STAG1: variants seen among roughly 807,000 people sequenced by gnomAD.
STAG1 encodes cohesin subunit SA-1.
Under a neutral mutation model 170.9 loss-of-function variants are expected in STAG1, and 26 were observed. The ratio of observed to expected loss-of-function variants is 0.15; its 90% confidence interval spans 0.11 to 0.21. The LOEUF is 0.21. STAG1 is among the 10% of genes least tolerant of loss of function. The probability of loss-of-function intolerance (pLI) is 1.00; values close to 1 mark genes in which losing one functional copy is unlikely to be tolerated. For synonymous variants in STAG1, 514 were observed against 497.7 expected (o/e 1.03, Z -0.44); for missense variants, 964 against 1,509.5 (o/e 0.64, Z 5.99).
chr3:136,540,092 T>C (rs1254209756), intron 6 of STAG1, among the ~76,000 whole-genome samples: 1 of 151,998 alleles, frequency 6.6e-6, no homozygotes, highest in Admixed American at 6.6e-5. Flanking sequence ...CAAAACCAAA[T>C]GACATATATA....
At chr3:136,421,440 G>T (rs2087954399) in intron 19 of STAG1, among the ~76,000 whole-genome samples, 1 of 152,106 alleles carries the variant, frequency 6.6e-6, no homozygotes, top group South Asian at 2.1e-4. Flanking sequence ...AAATGTACTT[G>T]AAAGATTTTC....
intron 16 of STAG1, among the ~76,000 whole-genome samples, chr3:136,431,925 C>T (rs371286846): frequency 7.9e-5 from 12 of 152,238 alleles, no homozygotes; most frequent in Admixed American, 2.0e-4. Context: ...TTTTGTTAAG[C>T]TTCTTGAATC....
At chr3:136,626,221 T>A (rs908215014) in intron 2 of STAG1, among the ~76,000 whole-genome samples, 1 of 152,012 alleles carries the variant, frequency 6.6e-6, no homozygotes, top group African/African-American at 2.4e-5. Flanking sequence ...AGGTCAGAAG[T>A]TCGAGACCTA....
intron 4 of STAG1, among the ~76,000 whole-genome samples, chr3:136,579,335 T>C (rs563948402): frequency 4.6e-5 from 7 of 152,340 alleles, no homozygotes; most frequent in African/African-American, 1.2e-4. Flanking sequence ...CATAAGGTAG[T>C]TGTATTGGTT....
At chr3:136,442,635 T>C (rs540178581) in intron 15 of STAG1, among the ~76,000 whole-genome samples, 14 of 150,702 alleles carry the variant, frequency 9.3e-5, no homozygotes, top group Non-Finnish European at 2.1e-4. Context: ...TCATTATGCA[T>C]AAAAGGTTTT....
At chr3:136,731,371 A>G (rs1934031270) in intron 1 of STAG1, among the ~76,000 whole-genome samples, 1 of 152,208 alleles carries the variant, frequency 6.6e-6, no homozygotes, top group Non-Finnish European at 1.5e-5. Flanking sequence ...AAACTAGAAA[A>G]AGCTGGAAAA....
intron 1 of STAG1, among the ~76,000 whole-genome samples, chr3:136,732,095 G>C (rs1031249472): frequency 6.6e-6 from 1 of 152,042 alleles, no homozygotes; most frequent in African/African-American, 2.4e-5. Context: ...AAGAAACTGA[G>C]GCCCAGAGAA....
chr3:136,576,218 C>T (rs1471872749), intron 4 of STAG1, among the ~76,000 whole-genome samples: 1 of 152,190 alleles, frequency 6.6e-6, no homozygotes, highest in Non-Finnish European at 1.5e-5. Context: ...ACAGTTGCTT[C>T]TGACATCAAA....
intron 1 of STAG1, among the ~76,000 whole-genome samples, chr3:136,741,358 T>C (rs560673121): frequency 1.3e-5 from 2 of 152,388 alleles, no homozygotes; most frequent in South Asian, 2.1e-4. Flanking sequence ...CCAAGTTAAC[T>C]TGTCAGCCTA....
chr3:136,406,446 A>T (rs1389491463), intron 21 of STAG1, among the ~76,000 whole-genome samples: 1 of 152,248 alleles, frequency 6.6e-6, no homozygotes, highest in Non-Finnish European at 1.5e-5. Context: ...GTCTTCTGGG[A>T]TGATGAAACT....
chr3:136,506,608 T>C (rs1933777542), intron 7 of STAG1, among the ~76,000 whole-genome samples: 1 of 137,192 alleles, frequency 7.3e-6, no homozygotes, highest in African/African-American at 2.8e-5. Context: ...GCTGCACCAC[T>C]GCACTCCAGC....
chr3:136,732,577 A>T (rs1233514125), intron 1 of STAG1, among the ~76,000 whole-genome samples: 1 of 152,072 alleles, frequency 6.6e-6, no homozygotes, highest in African/African-American at 2.4e-5. Flanking sequence ...CTCTCAATTA[A>T]CCAGAGTACC....
intron 23 of STAG1, among the ~76,000 whole-genome samples, chr3:136,373,295 A>C (rs1242220964): frequency 6.6e-6 from 1 of 152,034 alleles, no homozygotes; most frequent in Non-Finnish European, 1.5e-5. Flanking sequence ...TTTTCAAAAA[A>C]CCAGCTCCTG....
rs571343741 is a variant in STAG1, at chr3:136,397,756, G to T, written c.2277+993C>A. Among the ~76,000 whole-genome samples, 119 of 151,870 alleles carry T rather than the reference G, an allele frequency of 7.8e-4. 1 individual carries two copies. Among genetic ancestry groups the T allele is most frequent in the African/African-American group, 2.8e-3 (117 of 41,408 alleles). On this transcript the variant is annotated intron_variant, in intron 22 of 33. Transcript: ENST00000383202. ...CATCCTCAAGGTAAAGCAGGCTTCAGTGCTCTTTTTGGCTTTCTTGATCTT... is the reference window on the plus strand; with the variant it reads ...CATCCTCAAGGTAAAGCAGGCTTCATTGCTCTTTTTGGCTTTCTTGATCTT...
intron 1 of STAG1, among the ~76,000 whole-genome samples, chr3:136,689,978 TAC>T (rs923212387): frequency 3.7e-5 from 5 of 133,500 alleles, no homozygotes; most frequent in African/African-American, 1.5e-4. Flanking sequence ...AGGCAGAGGC[TAC>T]AGTGAGCCAA....
chr3:136,659,571 C>T (rs1329396638), intron 1 of STAG1, among the ~76,000 whole-genome samples: 1 of 152,172 alleles, frequency 6.6e-6, no homozygotes, highest in Non-Finnish European at 1.5e-5. Flanking sequence ...CAACACAGCA[C>T]ATTATCCAAA....
intron 1 of STAG1, among the ~76,000 whole-genome samples, chr3:136,655,565 C>T (rs961863325): frequency 5.3e-5 from 8 of 152,140 alleles, no homozygotes; most frequent in Non-Finnish European, 1.2e-4. Flanking sequence ...GAGTTCCAGG[C>T]CAGCCTGGCC....
intron 5 of STAG1, among the ~76,000 whole-genome samples, chr3:136,555,255 T>C (rs1296892817): frequency 6.6e-6 from 1 of 151,870 alleles, no homozygotes; most frequent in African/African-American, 2.4e-5. Flanking sequence ...TGCATGCCTG[T>C]AGTCCTAGCT....
intron 25 of STAG1, among the ~76,000 whole-genome samples, chr3:136,365,607 T>C (rs1937043854): frequency 6.6e-6 from 1 of 152,148 alleles, no homozygotes; most frequent in Admixed American, 6.6e-5. Context: ...AGGTGACTGA[T>C]GGAAAATCAG....
Sources: gnomAD v4.1 joint callset for allele counts (sites outside exome capture counted in the v4.1 genomes callset) on GRCh38, gnomAD v4.1.1 for gene constraint, MANE v1.5 for transcripts, NCBI Gene and HGNC (gene_info 2026-07-23, HGNC 2026-07-21) for gene names.